ANXA4: variants seen among roughly 807,000 people sequenced by gnomAD.
The protein encoded by ANXA4 is 35-beta calcimedin.
A neutral mutation model predicts 49.8 loss-of-function variants in ANXA4; 39 were observed. The observed-to-expected ratio is 0.78, with a 90% CI of 0.61 to 1.02. ANXA4 has a LOEUF of 1.02. Ranked by LOEUF, ANXA4 falls within the 50% of genes least tolerant of loss-of-function variation. The probability of loss-of-function intolerance (pLI) is 0.00; values close to 1 mark genes in which losing one functional copy is unlikely to be tolerated. For missense variants in ANXA4, 360 were observed against 410.1 expected (o/e 0.88, Z 1.05); for synonymous variants, 134 against 152.5 (o/e 0.88, Z 0.89).
intron 5 of ANXA4, among the ~76,000 whole-genome samples, chr2:69,806,834 C>T (rs1310715714): frequency 1.3e-5 from 2 of 151,908 alleles, no homozygotes; most frequent in East Asian, 1.9e-4. Flanking sequence ...CACACTGGGG[C>T]CTGTTGGAGG....
intron 2 of ANXA4, among the ~76,000 whole-genome samples, chr2:69,673,035 G>A (rs543169262): frequency 2.6e-5 from 4 of 152,240 alleles, no homozygotes; most frequent in African/African-American, 9.6e-5. Flanking sequence ...GAGAGGATGT[G>A]GAGAAATAAG....
chr2:69,648,010 T>C (rs1198990417), intron 1 of ANXA4, among the ~76,000 whole-genome samples: 1 of 152,196 alleles, frequency 6.6e-6, no homozygotes, highest in African/African-American at 2.4e-5. Context: ...TTTGTTAAGT[T>C]TGAAGGAAAT....
At chr2:69,810,918 T>C (rs1164149052) in intron 7 of ANXA4, 2 of 508,990 alleles carry the variant, frequency 3.9e-6, no homozygotes, top group Non-Finnish European at 7.1e-6. Flanking sequence ...TGTCACTCAG[T>C]GCATTGAGAG....
chr2:69,788,191 G>A, intron 3 of ANXA4, 50 bp downstream of exon 3: 1 of 1,517,834 alleles, frequency 6.6e-7, no homozygotes. Flanking sequence ...GCACATCACA[G>A]GGTCACACAG....
chr2:69,810,789 C>G, intron 7 of ANXA4, 116 bp downstream of exon 7: 1 of 776,418 alleles, frequency 1.3e-6, no homozygotes, highest in South Asian at 1.5e-5. Context: ...AGGTAGTGTT[C>G]TCAGACCCCT....
intron 7 of ANXA4, among the ~76,000 whole-genome samples, chr2:69,811,829 C>T (rs1289959954): frequency 5.3e-5 from 8 of 152,174 alleles, no homozygotes; most frequent in Admixed American, 3.9e-4. Flanking sequence ...TACTTAGTAA[C>T]GCCTGCCTGT....
At chr2:69,674,385 A>G (rs1677319330) in intron 2 of ANXA4, 1 of 152,164 alleles carries the variant, frequency 6.6e-6, no homozygotes, top group Non-Finnish European at 1.5e-5. Context: ...TCCTATGCCC[A>G]TCCACCCATA....
chr2:69,716,007 A>G (rs1055954519), intron 2 of ANXA4, among the ~76,000 whole-genome samples: 5 of 152,192 alleles, frequency 3.3e-5, no homozygotes, highest in African/African-American at 1.2e-4. Context: ...AGCCTTTCCC[A>G]TAATTTTAAT....
At chr2:69,724,058 T>TG (rs1669893227) in intron 3 of ANXA4, among the ~76,000 whole-genome samples, 1 of 152,134 alleles carries the variant, frequency 6.6e-6, no homozygotes, top group South Asian at 2.1e-4. Context: ...AGGCGGAGGT[T>TG]GCGGTAAGCC....
chr2:69,753,494 C>T (rs1199578468), intron 1 of ANXA4, among the ~76,000 whole-genome samples: 2 of 152,204 alleles, frequency 1.3e-5, no homozygotes, highest in Non-Finnish European at 2.9e-5. Flanking sequence ...ACAAGCTAGA[C>T]AGATGCTGTA....
At chr2:69,703,810 T>A (rs1678406054) in intron 2 of ANXA4, among the ~76,000 whole-genome samples, 1 of 152,138 alleles carries the variant, frequency 6.6e-6, no homozygotes, top group African/African-American at 2.4e-5. Flanking sequence ...CAAACTGGGT[T>A]ATTTTTTTCA....
intron 2 of ANXA4, among the ~76,000 whole-genome samples, chr2:69,700,798 TA>T (rs1458750131): frequency 6.6e-6 from 1 of 152,218 alleles, no homozygotes; most frequent in African/African-American, 2.4e-5. Flanking sequence ...ATACTTGGCA[TA>T]TTTTTTTGTG....
At chr2:69,721,305 T>C (rs1187270583) in intron 3 of ANXA4, among the ~76,000 whole-genome samples, 6 of 152,264 alleles carry the variant, frequency 3.9e-5, no homozygotes, top group Non-Finnish European at 5.9e-5. Flanking sequence ...AGCTAGACTC[T>C]ACAGGGTGGG....
intron 1 of ANXA4, among the ~76,000 whole-genome samples, chr2:69,746,121 C>T (rs982427967): frequency 2.0e-5 from 3 of 152,168 alleles, no homozygotes; most frequent in Non-Finnish European, 4.4e-5. Context: ...AAGTGATTCT[C>T]CTGCCTCAGC....
chr2:69,789,392 G>A (rs141374139), intron 3 of ANXA4, among the ~76,000 whole-genome samples: 290 of 152,208 alleles, frequency 1.9e-3, no homozygotes, highest in African/African-American at 6.5e-3. Flanking sequence ...GCTTGTTGCT[G>A]TGGTGATAGA....
intron 1 of ANXA4, among the ~76,000 whole-genome samples, chr2:69,751,460 A>G (rs1046232785): frequency 1.3e-5 from 2 of 148,666 alleles, no homozygotes; most frequent in Non-Finnish European, 3.0e-5. Context: ...GTGAGCCAAG[A>G]TCGTGCCACT....
At chr2:69,658,575 C>A (rs1676595335) in intron 2 of ANXA4, among the ~76,000 whole-genome samples, 4 of 152,146 alleles carry the variant, frequency 2.6e-5, no homozygotes, top group Admixed American at 2.6e-4. Context: ...ACCCAGTATT[C>A]TCAGGGAGAG....
At chr2:69,756,283 T>C (rs1671036322) in intron 1 of ANXA4, among the ~76,000 whole-genome samples, 1 of 152,200 alleles carries the variant, frequency 6.6e-6, no homozygotes, top group East Asian at 1.9e-4. Context: ...GGGGCGTTTT[T>C]GCTGTGCCTA....
intron 2 of ANXA4, among the ~76,000 whole-genome samples, chr2:69,707,168 T>A (rs1048464282): frequency 6.6e-6 from 1 of 152,234 alleles, no homozygotes. Context: ...GTAATATTTG[T>A]ATAAGATAGG....
Sources: allele counts gnomAD v4.1 joint callset (sites outside exome capture counted in the v4.1 genomes callset), GRCh38; gene constraint gnomAD v4.1.1; transcripts MANE v1.5; gene names NCBI Gene and HGNC (gene_info 2026-07-23, HGNC 2026-07-21).